TSHZ2: variants seen among roughly 807,000 people sequenced by gnomAD.
TSHZ2 encodes the protein teashirt zinc finger homeobox 2.
A neutral mutation model predicts 74.4 loss-of-function variants in TSHZ2; 21 were observed. The observed-to-expected ratio is 0.28, with a 90% CI of 0.20 to 0.41. TSHZ2 has a LOEUF of 0.41. Among genes scored for constraint, TSHZ2 ranks in the 10% least tolerant of loss-of-function variants. The pLI, the probability that TSHZ2 is intolerant of heterozygous loss-of-function variation, is 1.00. For missense variants in TSHZ2, 1,244 were observed against 1,293.5 expected (o/e 0.96, Z 0.59); for synonymous variants, 540 against 515.3 (o/e 1.05, Z -0.65).
intron 1 of TSHZ2, among the ~76,000 whole-genome samples, chr20:53,226,516 C>A (rs1312500350): frequency 6.6e-6 from 1 of 151,950 alleles, no homozygotes; most frequent in Non-Finnish European, 1.5e-5. Context: ...AATCCTTATT[C>A]TCCAAAGGAC....
chr20:53,332,559 G>A (rs113362534), intron 2 of TSHZ2, among the ~76,000 whole-genome samples: 1,710 of 152,272 alleles, frequency 0.011, 34 homozygotes, highest in African/African-American at 0.034. Context: ...AAGGGTTTGT[G>A]TGTGTATGTG....
At chr20:53,425,085 A>G (rs1487416651) in intron 2 of TSHZ2, among the ~76,000 whole-genome samples, 1 of 152,096 alleles carries the variant, frequency 6.6e-6, no homozygotes, top group Non-Finnish European at 1.5e-5. Context: ...ATAACTGGTA[A>G]TGGGATTTCT....
At chr20:52,975,104 C>T (rs1733304296) in intron 1 of TSHZ2, among the ~76,000 whole-genome samples, 1 of 152,070 alleles carries the variant, frequency 6.6e-6, no homozygotes, top group African/African-American at 2.4e-5. Flanking sequence ...GCCTTTGAGA[C>T]CCAGGAACAG....
At chr20:53,090,527 T>G (rs2123259535) in intron 1 of TSHZ2, among the ~76,000 whole-genome samples, 1 of 152,308 alleles carries the variant, frequency 6.6e-6, no homozygotes, top group East Asian at 1.9e-4. Flanking sequence ...TGAAAGATTT[T>G]AAGCAGCAGA....
At chr20:53,412,361 G>A (rs144912945) in intron 2 of TSHZ2, among the ~76,000 whole-genome samples, 1 of 152,368 alleles carries the variant, frequency 6.6e-6, no homozygotes, top group East Asian at 1.9e-4. Flanking sequence ...CAGCCTGTGT[G>A]CTCCAGGAGA....
intron 1 of TSHZ2, among the ~76,000 whole-genome samples, chr20:53,247,922 G>A (rs1396158965): frequency 6.6e-6 from 1 of 152,122 alleles, no homozygotes; most frequent in Non-Finnish European, 1.5e-5. Flanking sequence ...GACTTTCAAG[G>A]TGACTACAGA....
intron 2 of TSHZ2, among the ~76,000 whole-genome samples, chr20:53,357,514 A>T (rs532786752): frequency 1.2e-4 from 19 of 152,296 alleles, no homozygotes; most frequent in South Asian, 8.3e-4. Context: ...TATTAAAAAA[A>T]AAATAAAATT....
intron 2 of TSHZ2, among the ~76,000 whole-genome samples, chr20:53,473,908 C>A (rs1039665572): frequency 2.0e-5 from 3 of 151,672 alleles, no homozygotes; most frequent in African/African-American, 7.3e-5. Context: ...AGGGTATCAG[C>A]GATGGAAGAT....
At chr20:53,163,888 T>G (rs1380333972) in intron 1 of TSHZ2, among the ~76,000 whole-genome samples, 1 of 152,260 alleles carries the variant, frequency 6.6e-6, no homozygotes, top group African/African-American at 2.4e-5. Context: ...TTGAATAATA[T>G]GTTACACAGC....
intron 2 of TSHZ2, among the ~76,000 whole-genome samples, chr20:53,338,625 AGG>A (rs1218730313): frequency 1.3e-5 from 2 of 152,208 alleles, no homozygotes; most frequent in Non-Finnish European, 2.9e-5. Flanking sequence ...GATAGACACC[AGG>A]GAAGCTGTGG....
chr20:52,986,225 A>G (rs1981750635), intron 1 of TSHZ2, among the ~76,000 whole-genome samples: 2 of 151,396 alleles, frequency 1.3e-5, no homozygotes, highest in Non-Finnish European at 2.9e-5. Flanking sequence ...CCCCGTCTCT[A>G]CTAAAAATAC....
At chr20:52,976,897 G>C (rs1301181128) in intron 1 of TSHZ2, among the ~76,000 whole-genome samples, 3 of 152,150 alleles carry the variant, frequency 2.0e-5, no homozygotes, top group African/African-American at 7.2e-5. Context: ...GAAGAGTCTT[G>C]CAAGAAAGAA....
At chr20:53,066,311 C>T (rs1045681054) in intron 1 of TSHZ2, among the ~76,000 whole-genome samples, 1 of 152,162 alleles carries the variant, frequency 6.6e-6, no homozygotes, top group Non-Finnish European at 1.5e-5. Flanking sequence ...AGTCAGGACA[C>T]AGAGCTGCTT....
chr20:53,084,389 T>C (rs1035060178), intron 1 of TSHZ2, among the ~76,000 whole-genome samples: 6 of 152,210 alleles, frequency 3.9e-5, no homozygotes, highest in Non-Finnish European at 7.3e-5. Flanking sequence ...TTTCACTGTT[T>C]GGGCATTATT....
intron 1 of TSHZ2, among the ~76,000 whole-genome samples, chr20:53,116,366 CTG>C (rs1020385514): frequency 1.3e-5 from 2 of 152,202 alleles, no homozygotes; most frequent in Admixed American, 6.5e-5. Flanking sequence ...ATGCAAATCT[CTG>C]TAAGAGAAGA....
intron 2 of TSHZ2, among the ~76,000 whole-genome samples, chr20:53,436,008 G>A (rs146938338): frequency 2.0e-5 from 3 of 152,208 alleles, no homozygotes; most frequent in South Asian, 2.1e-4. Flanking sequence ...TGCCTTGCAC[G>A]TAACAAGTGC....
intron 2 of TSHZ2, among the ~76,000 whole-genome samples, chr20:53,436,174 A>G (rs745902131): frequency 2.0e-5 from 3 of 152,212 alleles, no homozygotes; most frequent in Non-Finnish European, 2.9e-5. Flanking sequence ...TTAACACAGT[A>G]TCTGGCAACA....
intron 2 of TSHZ2, among the ~76,000 whole-genome samples, chr20:53,307,067 G>A (rs150336337): frequency 1.3e-5 from 2 of 152,278 alleles, no homozygotes; most frequent in Non-Finnish European, 2.9e-5. Context: ...TGTTAAGCCA[G>A]AGACGTCTCA....
intron 1 of TSHZ2, among the ~76,000 whole-genome samples, chr20:53,225,889 C>G (rs1989673803): frequency 6.6e-6 from 1 of 151,990 alleles, no homozygotes; most frequent in Non-Finnish European, 1.5e-5. Context: ...TTTAAATATA[C>G]TCAACTTTAA....
Sources: gnomAD v4.1 joint callset for allele counts (sites outside exome capture counted in the v4.1 genomes callset) on GRCh38, gnomAD v4.1.1 for gene constraint, MANE v1.5 for transcripts, NCBI Gene and HGNC (gene_info 2026-07-23, HGNC 2026-07-21) for gene names.